Variants in TRPM2 observed in about 807,000 individuals in gnomAD.
TRPM2 encodes the protein estrogen-responsive element-associated gene 1 protein.
Under a neutral mutation model 174.0 loss-of-function variants are expected in TRPM2, and 161 were observed. The observed-to-expected ratio is 0.93, with a 90% CI of 0.81 to 1.05. The LOEUF is 1.05. TRPM2 is among the 50% of genes least tolerant of loss of function. The pLI, the probability that TRPM2 is intolerant of heterozygous loss-of-function variation, is 0.00. For missense variants in TRPM2, 2,057 were observed against 2,038.0 expected, an observed-to-expected ratio of 1.01 and a Z score of -0.18; for synonymous variants, 954 against 861.3, an observed-to-expected ratio of 1.11 and a Z score of -1.88.
intron 19 of TRPM2, among the ~76,000 whole-genome samples, chr21:44,407,874 T>TA (rs956665264): frequency 6.6e-6 from 1 of 151,124 alleles, no homozygotes; most frequent in Non-Finnish European, 1.5e-5. Context: ...TCCTTTTTTT[T>TA]AAAAAAAATT....
rs1423903940 is a variant in TRPM2, at chr21:44,366,702, GT to G, written c.424-51del. The G allele has an allele frequency of 6.2e-7, 1 of 1,611,074 alleles. No homozygotes were observed. The highest frequency in any genetic ancestry group is 1.3e-5 in the African/African-American group (1 of 75,004). ...TGCATGGCCTGTGTGGGTCGGTGCT[GT>G]CCCTGACCACTGACACACAGGTTCC... On this transcript the variant is annotated intron_variant, in intron 3 of 31. Coordinates refer to ENST00000397928, the MANE Select transcript of TRPM2 (RefSeq NM_003307.4). The surrounding 1 kb of genome is among the most constrained non-coding windows in gnomAD (Gnocchi z 6.0).
At chr21:44,365,614 G>A (rs2048336517) in intron 3 of TRPM2, among the ~76,000 whole-genome samples, 1 of 152,226 alleles carries the variant, frequency 6.6e-6, no homozygotes, top group Admixed American at 6.5e-5. Context: ...GGCCGTGGCA[G>A]TGGTGGGTTT....
At chr21:44,351,962 G>A (rs2122922102), upstream of TRPM2, among the ~76,000 whole-genome samples, 3,946 of 152,318 alleles carry the variant, frequency 0.026, 191 homozygotes, top group African/African-American at 0.09. Context: ...CCCACACCGT[G>A]GACCCTCCCG....
intron 9 of TRPM2, among the ~76,000 whole-genome samples, chr21:44,385,550 C>A (rs2146222839): frequency 6.6e-6 from 1 of 152,154 alleles, no homozygotes; most frequent in East Asian, 1.9e-4. Flanking sequence ...AGCAATTAGA[C>A]AAGAAAAAGA....
chr21:44,405,315 G>C (rs937530243), intron 17 of TRPM2, 55 bp downstream of exon 17: 2 of 1,603,708 alleles, frequency 1.2e-6, no homozygotes, highest in Non-Finnish European at 1.7e-6. Flanking sequence ...CCCTGCAGGG[G>C]ATGAGCACAG....
intron 2 of TRPM2, among the ~76,000 whole-genome samples, chr21:44,358,685 T>C (rs1450558982): frequency 6.6e-6 from 1 of 152,142 alleles, no homozygotes; most frequent in East Asian, 1.9e-4. Context: ...TGGGGCAGCA[T>C]TGGAGCAAGA....
In TRPM2 at chr21:44,369,239, C is replaced by G. The variant is rs757470781; in HGVS notation, c.667C>G (p.Arg223Gly). The G allele has an allele frequency of 7.4e-6, 12 of 1,613,606 alleles. No individual in the cohort carries two copies. The highest frequency in any genetic ancestry group is 1.0e-5 in the Non-Finnish European group (12 of 1,179,886). ...CATGAAGCAGGTAGGCGAGGCGGTG[C>G]GGGACTTCAGCCTGAGCAGCAGCTA... ...GVMKQVGEAV[R>G]DFSLSSSYKE... The change falls in exon 5 of 32, where the codon CGG (arginine) becomes GGG (glycine). Residue 223 changes from arginine to glycine, a missense_variant. Coordinates refer to ENST00000397928, the MANE Select transcript of TRPM2 (RefSeq NM_003307.4).
At position 44,373,338 on chromosome 21, in the gene TRPM2, C is replaced by T. The variant is rs1041548822; in HGVS notation, c.772-2495C>T. ...AGTAGCTAGGTCTACAGGCACCCAC[C>T]ACCATGCCCAGCTAATTTTTGTATT... On this transcript the variant is annotated intron_variant, in intron 5 of 31. Coordinates refer to ENST00000397928, the MANE Select transcript of TRPM2 (RefSeq NM_003307.4). Among the ~76,000 whole-genome samples the T allele has an allele frequency of 6.6e-5, 10 of 152,248 alleles. No individual in the cohort carries two copies. The East Asian group carries it at 1.4e-3, about 21-fold the overall frequency.
At position 44,378,476 on chromosome 21, in the gene TRPM2, C is replaced by T. The variant is rs529191745; in HGVS notation, c.1015-521C>T. Among the ~76,000 whole-genome samples the T allele has an allele frequency of 9.8e-4, 150 of 152,288 alleles. 1 individual carries two copies. The highest frequency in any genetic ancestry group is 6.8e-3 in the Middle Eastern group (2 of 294). On this transcript the variant is annotated intron_variant, in intron 7 of 31. Coordinates refer to ENST00000397928, the MANE Select transcript of TRPM2 (RefSeq NM_003307.4). ...TCCATAGAGCACTGGGTCCTCACTC[C>T]CTATGCGTGCCGAGTACCCTTCACG...
chr21:44,374,107 T>G (rs1239559061), intron 5 of TRPM2, among the ~76,000 whole-genome samples: 1 of 151,356 alleles, frequency 6.6e-6, no homozygotes, highest in East Asian at 1.9e-4. Context: ...ACCTTCCGGG[T>G]TCAAGCAAAT....
chr21:44,404,409 TCA>T (rs2049788706), intron 16 of TRPM2, among the ~76,000 whole-genome samples: 2 of 152,080 alleles, frequency 1.3e-5, no homozygotes, highest in South Asian at 2.1e-4. Context: ...ACATACATAT[TCA>T]CACGTATACA....
rs550068976 is a variant in TRPM2, at chr21:44,358,356, C to A, written c.254+3620C>A. On this transcript the variant is annotated intron_variant, in intron 2 of 31. Transcript: ENST00000397928. ...ATGCCTCAGAATTCACGCGCACATG[C>A]GGTGGGGGTGGGGAGGCAGGGAGCC... is the stretch of plus-strand genomic sequence containing the variant. 2.7e-4 allele frequency among the ~76,000 whole-genome samples: 40 copies of A among 149,442 alleles called. No homozygotes were observed. The East Asian group carries it at 7.4e-3, about 28-fold the overall frequency.
chr21:44,418,342 G>A (rs2050388704), intron 21 of TRPM2, 81 bp from the exon 22 acceptor site: 3 of 1,566,538 alleles, frequency 1.9e-6, no homozygotes, highest in South Asian at 1.2e-5. Flanking sequence ...CCCTCCCACG[G>A]GGCCCCCCCG....
intron 9 of TRPM2, among the ~76,000 whole-genome samples, chr21:44,387,169 G>T (rs1189987025): frequency 1.3e-5 from 2 of 152,284 alleles, no homozygotes; most frequent in African/African-American, 4.8e-5. Flanking sequence ...CTGGGCAACA[G>T]AGCAAGACCC....
chr21:44,352,510 T>C (rs1365867776), upstream of TRPM2, among the ~76,000 whole-genome samples: 3 of 152,124 alleles, frequency 2.0e-5, no homozygotes, highest in South Asian at 4.1e-4. Context: ...CCGTCGTGTG[T>C]AGTGGAGAGG....
intron 16 of TRPM2, among the ~76,000 whole-genome samples, chr21:44,402,881 C>T (rs2049675249): frequency 6.6e-6 from 1 of 152,206 alleles, no homozygotes; most frequent in Non-Finnish European, 1.5e-5. Context: ...CTGGCTTAGA[C>T]TTACCTCTGC....
intron 19 of TRPM2, 89 bp downstream of exon 19, chr21:44,406,854 C>G: frequency 6.7e-7 from 1 of 1,487,954 alleles, no homozygotes; most frequent in Admixed American, 2.2e-5. Context: ...GGAGTGAGGC[C>G]GGCTCCATCA....
chr21:44,434,018 G>T (rs988313637), intron 27 of TRPM2, among the ~76,000 whole-genome samples: 1 of 152,062 alleles, frequency 6.6e-6, no homozygotes, highest in East Asian at 1.9e-4. Context: ...GTGGCCGCCG[G>T]TGCTAGAGGT....
In TRPM2 at chr21:44,391,467, C is replaced by A. The variant is rs767979728; in HGVS notation, c.1636C>A (p.Arg546Ser). The change falls in exon 11 of 32, where the codon CGC becomes AGC. Residue 546 changes from arginine to serine, a missense_variant. Arg to Ser is a moderately radical substitution (Grantham distance 110, BLOSUM62 -1). Coordinates refer to ENST00000397928, the MANE Select transcript of TRPM2 (RefSeq NM_003307.4). This position sits in a 1 kb window ranked among gnomAD's most constrained non-coding sequence, Gnocchi z 5.0. Reference sequence around the variant, plus strand: ...GAAGGTGCTGGTGGAGGATCCCGAGCGCCCGGCTTGCGCGCCCGCGGCGCC... The same window carrying A: ...GAAGGTGCTGGTGGAGGATCCCGAGAGCCCGGCTTGCGCGCCCGCGGCGCC... ...LQKVLVEDPE[R>S]PACAPAAPRL... 1.4e-5 allele frequency: 23 copies of A among 1,612,116 alleles called. No individual in the cohort carries two copies. In the South Asian group the frequency reaches 2.3e-4, roughly 16 times the overall value.
Sources: gnomAD v4.1 joint callset for allele counts (sites outside exome capture counted in the v4.1 genomes callset) on GRCh38, gnomAD v4.1.1 for gene constraint, Gnocchi (gnomAD v3.1) non-coding constraint, MANE v1.5 for transcripts, NCBI Gene and HGNC (gene_info 2026-07-23, HGNC 2026-07-21) for gene names.